Variants in NREP observed in about 807,000 individuals in gnomAD.
NREP encodes neuronal regeneration-related protein.
Under a neutral mutation model 8.6 loss-of-function variants are expected in NREP, and 5 were observed. The observed-to-expected ratio is 0.58, with a 90% CI of 0.30 to 1.22. NREP has a LOEUF of 1.22. Among genes scored for constraint, NREP ranks in the 50% most tolerant of loss-of-function variants. The pLI is 0.07. For missense variants in NREP, 86 were observed against 82.5 expected (o/e 1.04, Z -0.17); for synonymous variants, 27 against 28.0 (o/e 0.96, Z 0.11).
intron 2 of NREP, among the ~76,000 whole-genome samples, chr5:111,945,938 T>C (rs1755966894): frequency 6.6e-6 from 1 of 151,974 alleles, no homozygotes; most frequent in Non-Finnish European, 1.5e-5. Flanking sequence ...CCAATCACTG[T>C]AACCAAGGAC....
At chr5:111,763,372 T>C (rs1264650679) in intron 2 of NREP, among the ~76,000 whole-genome samples, 4 of 152,164 alleles carry the variant, frequency 2.6e-5, no homozygotes, top group Non-Finnish European at 4.4e-5. Context: ...TAAAATATGA[T>C]GAACAGAGCA....
intron 2 of NREP, among the ~76,000 whole-genome samples, chr5:111,903,666 G>A (rs1754706113): frequency 1.3e-5 from 2 of 152,072 alleles, no homozygotes; most frequent in Admixed American, 1.3e-4. Flanking sequence ...CAGAGACACT[G>A]AGTCTTTTTT....
At chr5:111,872,333 G>A (rs1753809470) in intron 2 of NREP, among the ~76,000 whole-genome samples, 1 of 152,148 alleles carries the variant, frequency 6.6e-6, no homozygotes, top group African/African-American at 2.4e-5. Flanking sequence ...GTCTTCAGCT[G>A]ATTGGGTGAG....
In NREP at chr5:111,828,784, A is replaced by G. The variant is rs542019517; in HGVS notation, c.136-93277T>C. Among the ~76,000 whole-genome samples the G allele has an allele frequency of 5.3e-5, 8 of 152,350 alleles. No homozygotes were observed. In the East Asian group the frequency reaches 1.3e-3, roughly 26 times the overall value. On this transcript the variant is annotated intron_variant, in intron 2 of 3. Coordinates refer to the NREP transcript ENST00000395634. ...TGTTGTATCACTAAGATATTATTACATTCAACAAATATTGAATAAATGACT... is the reference window on the plus strand; with the variant it reads ...TGTTGTATCACTAAGATATTATTACGTTCAACAAATATTGAATAAATGACT...
At chr5:111,881,397 G>T (rs1754063723) in intron 2 of NREP, among the ~76,000 whole-genome samples, 1 of 152,150 alleles carries the variant, frequency 6.6e-6, no homozygotes. Context: ...CCTCTGGGGG[G>T]CAGGGCACAG....
In NREP at chr5:111,884,256, C is replaced by T. The variant is rs1347206068; in HGVS notation, c.135+91018G>A. On this transcript the variant is annotated intron_variant, in intron 2 of 3. Coordinates refer to the NREP transcript ENST00000395634. ...GGATAAATTCCTCGACACATACACTCTCCCAAGACTAAACCAGGAAGAAGT... is the reference window on the plus strand; with the variant it reads ...GGATAAATTCCTCGACACATACACTTTCCCAAGACTAAACCAGGAAGAAGT... Among the ~76,000 whole-genome samples, 2 of 151,482 alleles carry T rather than the reference C, an allele frequency of 1.3e-5. 1 individual carries two copies. The highest frequency in any genetic ancestry group is 3.9e-4 in the East Asian group (2 of 5,172).
intron 2 of NREP, chr5:111,975,197 C>T (rs770764056): frequency 1.0e-6 from 1 of 960,326 alleles, no homozygotes; most frequent in South Asian, 1.5e-5. Context: ...TCAGGAATCA[C>T]TTGGTTGCAT....
chr5:111,953,333 G>A (rs1756218281), intron 2 of NREP, among the ~76,000 whole-genome samples: 1 of 152,094 alleles, frequency 6.6e-6, no homozygotes, highest in Non-Finnish European at 1.5e-5. Context: ...ATATCTTGGG[G>A]CTGATTCAAC....
At chr5:111,920,579 C>T (rs1047068723) in intron 2 of NREP, among the ~76,000 whole-genome samples, 2 of 152,060 alleles carry the variant, frequency 1.3e-5, no homozygotes, top group African/African-American at 4.8e-5. Context: ...ATCTCTGAAG[C>T]AGTGAGGGGT....
intron 2 of NREP, among the ~76,000 whole-genome samples, chr5:111,908,824 T>C (rs944125929): frequency 4.6e-5 from 7 of 151,976 alleles, no homozygotes; most frequent in Non-Finnish European, 8.8e-5. Context: ...ATGGTAGTTC[T>C]ATTTTAGTTC....
intron 2 of NREP, among the ~76,000 whole-genome samples, chr5:111,787,620 A>T (rs924772748): frequency 5.3e-5 from 8 of 152,172 alleles, no homozygotes; most frequent in African/African-American, 1.7e-4. Context: ...TGAAAAAAAA[A>T]GGTGAAGAAA....
chr5:111,877,890 C>A (rs990123680), intron 2 of NREP, among the ~76,000 whole-genome samples: 104 of 152,268 alleles, frequency 6.8e-4, no homozygotes, highest in African/African-American at 2.4e-3. Context: ...ACACATAGGG[C>A]CACACTGGAG....
At chr5:111,741,965 G>A (rs1232014099) in intron 2 of NREP, among the ~76,000 whole-genome samples, 1 of 151,998 alleles carries the variant, frequency 6.6e-6, no homozygotes, top group Non-Finnish European at 1.5e-5. Flanking sequence ...GAAAGGAAAG[G>A]AAGGCCTTTG....
chr5:111,974,652 A>G (rs1324271353), intron 2 of NREP: 1 of 152,356 alleles, frequency 6.6e-6, no homozygotes, highest in Non-Finnish European at 1.5e-5. Context: ...ACAATACAGT[A>G]GCATCTTCCT....
intron 2 of NREP, among the ~76,000 whole-genome samples, chr5:111,972,956 C>A (rs1167737787): frequency 6.6e-6 from 1 of 152,150 alleles, no homozygotes; most frequent in African/African-American, 2.4e-5. Context: ...AAGAGAGCAA[C>A]AGGAGAGCAC....
intron 2 of NREP, among the ~76,000 whole-genome samples, chr5:111,863,274 C>A (rs1265929352): frequency 2.0e-5 from 3 of 152,012 alleles, no homozygotes; most frequent in Non-Finnish European, 4.4e-5. Flanking sequence ...GAAATGATTT[C>A]TTGGTCTCTC....
At chr5:111,942,040 T>C (rs1319305362) in intron 2 of NREP, among the ~76,000 whole-genome samples, 2 of 152,076 alleles carry the variant, frequency 1.3e-5, no homozygotes, top group Non-Finnish European at 2.9e-5. Flanking sequence ...TGTTTTGCTT[T>C]TGTGGTAAGA....
chr5:111,798,351 TG>T (rs1247565486), intron 2 of NREP, among the ~76,000 whole-genome samples: 1 of 152,168 alleles, frequency 6.6e-6, no homozygotes, highest in Non-Finnish European at 1.5e-5. Flanking sequence ...CTGGAAAATT[TG>T]GGCTTTTTTA....
chr5:111,944,973 G>C (rs905734532), intron 2 of NREP, among the ~76,000 whole-genome samples: 2 of 151,976 alleles, frequency 1.3e-5, no homozygotes, highest in African/African-American at 4.8e-5. Flanking sequence ...TATTTGATTA[G>C]TTAACAATTT....
Sources: allele counts gnomAD v4.1 joint callset (sites outside exome capture counted in the v4.1 genomes callset), GRCh38; gene constraint gnomAD v4.1.1; transcripts MANE v1.5; gene names NCBI Gene and HGNC (gene_info 2026-07-23, HGNC 2026-07-21).